Variants in DGKH observed in about 807,000 individuals in gnomAD.
The protein encoded by DGKH is diacylglycerol kinase eta, also known as DAG kinase eta.
A neutral mutation model predicts 159.3 loss-of-function variants in DGKH; 90 were observed. The observed-to-expected ratio is 0.57, with a 90% CI of 0.48 to 0.67. The LOEUF is 0.67. Ranked by LOEUF, DGKH falls within the 30% of genes least tolerant of loss-of-function variation. The probability of loss-of-function intolerance (pLI) is 0.00; values close to 1 mark genes in which losing one functional copy is unlikely to be tolerated. For missense variants in DGKH, 1,181 were observed against 1,506.1 expected, an observed-to-expected ratio of 0.78 and a Z score of 3.57; for synonymous variants, 536 against 553.8, an observed-to-expected ratio of 0.97 and a Z score of 0.45.
At position 42,168,743 on chromosome 13, in the gene DGKH, G is replaced by T. The variant is rs1453898325; in HGVS notation, c.1292G>T (p.Gly431Val). 6.2e-7 allele frequency: 1 copy of T among 1,613,992 alleles called. No individual in the cohort carries two copies. The highest frequency in any genetic ancestry group is 8.5e-7 in the Non-Finnish European group (1 of 1,180,010). Residue 431 changes from glycine (G) to valine (V), a missense_variant, in exon 11 of 30, where the codon GGT becomes GTT. Physicochemically the swap from Gly to Val is moderately radical, Grantham distance 109. Transcript: ENST00000337343. ...CTTGCCCGAGTTCTTGGCTGGGGAGGTTCATATGACGATGACACCCAACTT... is the reference window on the plus strand; with the variant it reads ...CTTGCCCGAGTTCTTGGCTGGGGAGTTTCATATGACGATGACACCCAACTT... ...NDLARVLGWGGSYDDDTQLPQ... is the reference protein window; with the variant it reads ...NDLARVLGWGVSYDDDTQLPQ...
In DGKH at chr13:42,239,820, C is replaced by T. The variant is rs952317002; in HGVS notation, c.*10632C>T. On this transcript the variant is annotated 3_prime_UTR_variant, in exon 30 of 30. Transcript: ENST00000337343. ...GATGAGTCAGTGTCTATGACCTTGCCTCTTTCTTCCTTTTTAGTATCCTCA... is the reference window on the plus strand; with the variant it reads ...GATGAGTCAGTGTCTATGACCTTGCTTCTTTCTTCCTTTTTAGTATCCTCA... 6.6e-5 allele frequency: 10 copies of T among 152,198 alleles called. No individual in the cohort carries two copies. Among genetic ancestry groups the T allele is most frequent in the Admixed American group, 5.2e-4 (8 of 15,270 alleles). 9.4% of individuals were successfully genotyped at this position (152,198 alleles called of 1,614,324 possible).
chr13:42,221,041 G>A, intron 28 of DGKH: 1 of 450,054 alleles, frequency 2.2e-6, no homozygotes, highest in South Asian at 3.4e-5. Context: ...CTAAGCATGG[G>A]TGCACGGCAG....
upstream of DGKH, among the ~76,000 whole-genome samples, chr13:42,047,425 A>G (rs528822990): frequency 3.9e-5 from 6 of 151,904 alleles, no homozygotes; most frequent in South Asian, 1.2e-3. Context: ...TGAACATAAC[A>G]GAGATTGAAT....
chr13:42,063,303 CG>C (rs1882316412), intron 1 of DGKH, among the ~76,000 whole-genome samples: 1 of 151,896 alleles, frequency 6.6e-6, no homozygotes, highest in African/African-American at 2.4e-5. Flanking sequence ...TGAGCATTCC[CG>C]AACAGCTGAC....
At chr13:42,133,816 A>G (rs901479925) in intron 3 of DGKH, among the ~76,000 whole-genome samples, 1 of 152,250 alleles carries the variant, frequency 6.6e-6, no homozygotes, top group African/African-American at 2.4e-5. Flanking sequence ...AGAACTTTCC[A>G]GGGTATAAAA....
chr13:42,151,599 ACACACACACACACACC>A (rs1955901081), intron 3 of DGKH, among the ~76,000 whole-genome samples: 1 of 129,692 alleles, frequency 7.7e-6, no homozygotes, highest in South Asian at 2.6e-4. Flanking sequence ...ACACACACAC[ACACACACACACACACC>A]CCATGGAAAA....
rs148282331 is a variant in DGKH, at chr13:42,222,054, C to T, written c.3573+660C>T. Among the ~76,000 whole-genome samples the T allele has an allele frequency of 8.3e-3, 1,268 of 152,222 alleles. 17 individuals carry two copies. Among genetic ancestry groups the T allele is most frequent in the African/African-American group, 0.029 (1,207 of 41,534 alleles). ...AGCTCAGAGCCTATTTGTGAATTGA[C>T]GATAGAGAAAACCATTCCTTCATCA... is the stretch of plus-strand genomic sequence containing the variant. On this transcript the variant is annotated intron_variant, in intron 29 of 29. Coordinates refer to ENST00000337343, the MANE Select transcript of DGKH (RefSeq NM_178009.5).
intron 13 of DGKH, among the ~76,000 whole-genome samples, chr13:42,184,327 C>T (rs1190420534): frequency 6.6e-6 from 1 of 152,088 alleles, no homozygotes; most frequent in Non-Finnish European, 1.5e-5. Context: ...GCATATTTTA[C>T]TGTCATTTGC....
intron 1 of DGKH, among the ~76,000 whole-genome samples, chr13:42,058,397 A>G (rs1195231695): frequency 1.3e-5 from 2 of 152,208 alleles, no homozygotes; most frequent in Non-Finnish European, 2.9e-5. Context: ...CTTACTGAAT[A>G]CACAATATAA....
At chr13:42,210,797 G>C in intron 24 of DGKH, 32 bp downstream of exon 24, 1 of 1,584,340 alleles carries the variant, frequency 6.3e-7, no homozygotes, top group Non-Finnish European at 8.6e-7. Flanking sequence ...TCAGGCTGTG[G>C]GAACTGTGGT....
Position 42,209,379 on chromosome 13 carries a change from C to T in DGKH, c.2764C>T (p.Gln922Ter). Residue 922 changes from glutamine to a stop codon, truncating the protein, a stop_gained, in exon 23 of 30, where the codon CAA becomes TAA. Coordinates refer to ENST00000337343, the MANE Select transcript of DGKH (RefSeq NM_178009.5). LOFTEE classifies it high-confidence loss of function. ...TIFGDEGVPV[Q>*]VDGEAWVQPP... ...ATTTGGTGACGAAGGAGTCCCAGTG[C>T]AAGTGGATGGTGAAGCGTGGGTTCA... 6.2e-7 allele frequency: 1 copy of T among 1,613,664 alleles called. No homozygotes were observed. Among genetic ancestry groups the T allele is most frequent in the Non-Finnish European group, 8.5e-7 (1 of 1,179,832 alleles).
At chr13:42,196,517 A>G (rs1315051579) in intron 17 of DGKH, among the ~76,000 whole-genome samples, 69 of 152,250 alleles carry the variant, frequency 4.5e-4, no homozygotes, top group Admixed American at 4.5e-3. Flanking sequence ...TGGAAAATGA[A>G]CATAAAAGCC....
intron 26 of DGKH, among the ~76,000 whole-genome samples, chr13:42,218,056 T>C (rs779438226): frequency 2.6e-5 from 4 of 152,118 alleles, no homozygotes; most frequent in African/African-American, 7.2e-5. Context: ...ATCATCATCA[T>C]CATCACCTTG....
intron 1 of DGKH, among the ~76,000 whole-genome samples, chr13:42,079,697 TG>T (rs1954165178): frequency 6.6e-6 from 1 of 152,234 alleles, no homozygotes. Flanking sequence ...TAACTTTGTA[TG>T]ATCATGTCGA....
intron 3 of DGKH, among the ~76,000 whole-genome samples, chr13:42,145,255 A>G (rs1955696183): frequency 6.6e-6 from 1 of 152,206 alleles, no homozygotes; most frequent in African/African-American, 2.4e-5. Flanking sequence ...AAGAGAGACA[A>G]ATGACAATCT....
intron 1 of DGKH, among the ~76,000 whole-genome samples, chr13:42,104,771 C>T (rs1458034520): frequency 6.6e-6 from 1 of 152,074 alleles, no homozygotes; most frequent in Non-Finnish European, 1.5e-5. Flanking sequence ...TATCTGGAGA[C>T]CTGACTTATT....
At chr13:42,082,439 CTTA>C (rs1350325718) in intron 1 of DGKH, among the ~76,000 whole-genome samples, 1 of 151,784 alleles carries the variant, frequency 6.6e-6, no homozygotes, top group Non-Finnish European at 1.5e-5. Context: ...TGTTGTTTGC[CTTA>C]TTATCCCAAA....
At chr13:42,228,998 T>C in intron 29 of DGKH, 101 bp from the exon 30 acceptor site, 1 of 1,004,222 alleles carries the variant, frequency 1.0e-6, no homozygotes, top group Non-Finnish European at 1.5e-6. Flanking sequence ...TTTTCTATTT[T>C]CAATAAACTT....
chr13:42,143,642 C>T (rs1955635225), intron 3 of DGKH, among the ~76,000 whole-genome samples: 2 of 152,006 alleles, frequency 1.3e-5, no homozygotes, highest in South Asian at 4.1e-4. Context: ...GTGTATGTGT[C>T]GAGGAATTTA....
Sources: gnomAD v4.1 joint callset for allele counts (sites outside exome capture counted in the v4.1 genomes callset) on GRCh38, gnomAD v4.1.1 for gene constraint, MANE v1.5 for transcripts, NCBI Gene and HGNC (gene_info 2026-07-23, HGNC 2026-07-21) for gene names.